The following PAG1 variants were observed in gnomAD, a reference collection of about 807,000 sequenced individuals.
PAG1 encodes phosphoprotein associated with glycosphingolipid-enriched microdomains 1.
PAG1 carries 23 observed loss-of-function variants against 31.7 expected under a neutral mutation model. The observed-to-expected ratio is 0.73, with a 90% CI of 0.52 to 1.03. PAG1 has a LOEUF of 1.03. PAG1 is among the 50% of genes least tolerant of loss of function. PAG1 has a pLI of 0.00. For synonymous variants in PAG1, 214 were observed against 210.3 expected, an observed-to-expected ratio of 1.02 and a Z score of -0.15; for missense variants, 473 against 540.7, an observed-to-expected ratio of 0.87 and a Z score of 1.24.
chr8:81,048,548 G>A (rs1459848186), intron 2 of PAG1, among the ~76,000 whole-genome samples: 1 of 152,108 alleles, frequency 6.6e-6, no homozygotes, highest in African/African-American at 2.4e-5. Context: ...TGTGACCTGT[G>A]CTTAATTCCT....
At chr8:81,000,189 C>T (rs1224824123) in intron 3 of PAG1, among the ~76,000 whole-genome samples, 1 of 152,118 alleles carries the variant, frequency 6.6e-6, no homozygotes, top group Non-Finnish European at 1.5e-5. Flanking sequence ...GATGTCTCCA[C>T]CTCACTTCCC....
chr8:80,983,274 C>G (rs1455763040), intron 7 of PAG1, among the ~76,000 whole-genome samples: 1 of 152,192 alleles, frequency 6.6e-6, no homozygotes. Context: ...CAAACGTCAC[C>G]TTCATAGCTG....
intron 3 of PAG1, among the ~76,000 whole-genome samples, chr8:81,006,498 C>A (rs969021306): frequency 6.6e-6 from 1 of 152,078 alleles, no homozygotes; most frequent in African/African-American, 2.4e-5. Flanking sequence ...AATCTCATAG[C>A]GGGTCCCCAG....
chr8:81,035,463 A>C (rs1298675467), intron 2 of PAG1, among the ~76,000 whole-genome samples: 1 of 152,234 alleles, frequency 6.6e-6, no homozygotes, highest in East Asian at 1.9e-4. Flanking sequence ...TGGGAGATTC[A>C]GCAAACAAAC....
In PAG1 at chr8:80,993,266, C is replaced by A; in HGVS notation, c.-39G>T. 6.3e-7 allele frequency: 1 copy of A among 1,577,674 alleles called. No homozygotes were observed. The highest frequency in any genetic ancestry group is 1.2e-5 in the South Asian group (1 of 85,866). ...ACTGGCACCAGCCGAGGGAATCAGT[C>A]AGTCCTTCAAAGGTGGTGACATGGA... On this transcript the variant is annotated 5_prime_UTR_variant, in exon 4 of 9. An upstream open reading frame in the 5' UTR loses its in-frame stop. Coordinates refer to ENST00000220597, the MANE Select transcript of PAG1 (RefSeq NM_018440.4).
intron 1 of PAG1, among the ~76,000 whole-genome samples, chr8:81,076,439 A>G (rs1809179346): frequency 6.6e-6 from 1 of 152,226 alleles, no homozygotes; most frequent in Admixed American, 6.5e-5. Flanking sequence ...GCCTATGTAC[A>G]CACACAGTGC....
At chr8:81,090,943 T>A (rs1809434663) in intron 1 of PAG1, among the ~76,000 whole-genome samples, 4 of 152,084 alleles carry the variant, frequency 2.6e-5, no homozygotes, top group Admixed American at 2.6e-4. Context: ...TGTTAGAAAA[T>A]TCTCCCTGGC....
intron 2 of PAG1, among the ~76,000 whole-genome samples, chr8:81,031,044 G>A (rs992402844): frequency 5.3e-5 from 8 of 152,204 alleles, no homozygotes; most frequent in African/African-American, 1.7e-4. Context: ...GGAGTGGAAC[G>A]TGAGCCTTCT....
rs1807036426 is a variant in PAG1 at position 80,969,677 on chromosome 8, A to G, written c.*6867T>C. The stretch of plus-strand genomic sequence containing the variant: ...GGAACTTTAAAAAACTAAATGTATA[A>G]AGAGAATGAGCAGAGATATCTGTTC... On this transcript the variant is annotated 3_prime_UTR_variant, in exon 9 of 9. Transcript: ENST00000220597. The G allele has an allele frequency of 6.6e-6, 1 of 152,230 alleles. No individual in the cohort carries two copies. Among genetic ancestry groups the G allele is most frequent in the African/African-American group, 2.4e-5 (1 of 41,458 alleles). 9.4% of individuals were successfully genotyped at this position (152,230 alleles called of 1,614,324 possible). A position where few individuals can be genotyped will look rare whatever the true frequency, so the allele number is the denominator to read the frequency against.
At chr8:81,102,343 T>A (rs1253438504) in intron 1 of PAG1, among the ~76,000 whole-genome samples, 1 of 152,172 alleles carries the variant, frequency 6.6e-6, no homozygotes, top group Non-Finnish European at 1.5e-5. Flanking sequence ...TGTATTGTTA[T>A]TTTTAAAAAT....
chr8:81,022,281 A>G (rs564127301), intron 3 of PAG1, among the ~76,000 whole-genome samples: 16 of 152,232 alleles, frequency 1.1e-4, no homozygotes, highest in Non-Finnish European at 2.1e-4. Context: ...TCAATTAATC[A>G]AATGTAAAAG....
intron 2 of PAG1, among the ~76,000 whole-genome samples, chr8:81,041,404 A>G (rs1808551923): frequency 6.6e-6 from 1 of 152,204 alleles, no homozygotes; most frequent in Non-Finnish European, 1.5e-5. Context: ...TTTGAAAGAG[A>G]TGCTGGAAGG....
intron 3 of PAG1, among the ~76,000 whole-genome samples, chr8:81,022,405 A>C (rs1195474797): frequency 6.6e-6 from 1 of 152,226 alleles, no homozygotes; most frequent in Non-Finnish European, 1.5e-5. Flanking sequence ...GTTGGGTTTT[A>C]AAATTAACAA....
At chr8:81,110,489 T>C (rs1306661726) in intron 1 of PAG1, among the ~76,000 whole-genome samples, 1 of 152,160 alleles carries the variant, frequency 6.6e-6, no homozygotes, top group African/African-American at 2.4e-5. Context: ...GAAAGAAAGG[T>C]TAAAGATTTC....
At chr8:81,086,503 G>A (rs1809359647) in intron 1 of PAG1, among the ~76,000 whole-genome samples, 1 of 151,776 alleles carries the variant, frequency 6.6e-6, no homozygotes, top group Admixed American at 6.6e-5. Context: ...GTGTGTGTGT[G>A]TGCGCGCGCG....
chr8:80,985,339 A>T lies in PAG1; in HGVS notation c.313T>A (p.Tyr105Asn). ...GAGGCCGATGTCTGGACTTCCTCGTAATGCTGCATGCAGGTCAGAGTACTG... is the reference window on the plus strand; with the variant it reads ...GAGGCCGATGTCTGGACTTCCTCGTTATGCTGCATGCAGGTCAGAGTACTG... ...EDSTLTCMQHYEEVQTSASDL... is the reference protein window; with the variant it reads ...EDSTLTCMQHNEEVQTSASDL... Residue 105 changes from tyrosine (Y) to asparagine (N), a missense_variant, in exon 7 of 9, where the codon TAC becomes AAC. Transcript: ENST00000220597. The T allele has an allele frequency of 6.2e-7, 1 of 1,614,062 alleles. No individual in the cohort carries two copies. The highest frequency in any genetic ancestry group is 1.3e-5 in the African/African-American group (1 of 75,048).
intron 2 of PAG1, among the ~76,000 whole-genome samples, chr8:81,034,460 T>C (rs899330947): frequency 2.6e-5 from 4 of 152,192 alleles, no homozygotes; most frequent in African/African-American, 9.6e-5. Context: ...CATGCAAACA[T>C]CATTCCAGTA....
At chr8:80,999,025 T>C (rs1437693728) in intron 3 of PAG1, among the ~76,000 whole-genome samples, 1 of 152,196 alleles carries the variant, frequency 6.6e-6, no homozygotes, top group Non-Finnish European at 1.5e-5. Flanking sequence ...AGCAGATTCT[T>C]TGGTGGGTTC....
At chr8:81,060,163 A>C (rs1256254620) in intron 2 of PAG1, among the ~76,000 whole-genome samples, 1 of 152,222 alleles carries the variant, frequency 6.6e-6, no homozygotes, top group Non-Finnish European at 1.5e-5. Context: ...AATTTTGTCC[A>C]TTAGTAAGAA....
Sources: allele counts gnomAD v4.1 joint callset (sites outside exome capture counted in the v4.1 genomes callset), GRCh38; gene constraint gnomAD v4.1.1; transcripts MANE v1.5; gene names NCBI Gene and HGNC (gene_info 2026-07-23, HGNC 2026-07-21).